The following SLC9C1 variants were observed in gnomAD, a reference collection of about 807,000 sequenced individuals.
The protein encoded by SLC9C1 is sodium/hydrogen exchanger 10.
A neutral mutation model predicts 140.9 loss-of-function variants in SLC9C1; 97 were observed. The ratio of observed to expected loss-of-function variants is 0.69; its 90% CI spans 0.58 to 0.82. The LOEUF is 0.82. SLC9C1 is among the 40% of genes least tolerant of loss of function. The pLI, the probability that SLC9C1 is intolerant of heterozygous loss-of-function variation, is 0.00. For synonymous variants in SLC9C1, 440 were observed against 442.6 expected, an observed-to-expected ratio of 0.99 and a Z score of 0.07; for missense variants, 1,340 against 1,389.3, an observed-to-expected ratio of 0.96 and a Z score of 0.56.
chr3:112,233,079 T>A (rs1162123741), intron 12 of SLC9C1, among the ~76,000 whole-genome samples: 14 of 148,548 alleles, frequency 9.4e-5, no homozygotes, highest in Admixed American at 6.1e-4. Flanking sequence ...TATATTTTTT[T>A]TTTTTTTAAG....
chr3:112,217,421 A>G, intron 15 of SLC9C1, 21 bp downstream of exon 15: 2 of 1,562,850 alleles, frequency 1.3e-6, no homozygotes, highest in African/African-American at 1.4e-5. Context: ...AGCATTTCTT[A>G]TAAGGTTCAA....
chr3:112,208,604 C>T (rs1180399508), intron 15 of SLC9C1, among the ~76,000 whole-genome samples: 4 of 152,212 alleles, frequency 2.6e-5, no homozygotes, highest in Middle Eastern at 6.8e-3. Context: ...CTTTCTCTCC[C>T]TCCTTAAATC....
At chr3:112,218,390 T>C (rs2078445699) in intron 14 of SLC9C1, among the ~76,000 whole-genome samples, 2 of 152,090 alleles carry the variant, frequency 1.3e-5, no homozygotes, top group African/African-American at 4.8e-5. Context: ...AGTTCAAAGG[T>C]AAACCTTGCC....
intron 28 of SLC9C1, 119 bp from the exon 29 acceptor site, chr3:112,141,400 G>A (rs763446516): frequency 1.7e-5 from 17 of 996,690 alleles, no homozygotes; most frequent in Admixed American, 1.2e-4. Context: ...AGACACACTT[G>A]GTCATTTTTG....
chr3:112,239,942 C>T lies in SLC9C1; in HGVS notation c.1344G>A (p.Glu448=), dbSNP rs777741320. Reference sequence around the variant, plus strand: ...GGGCAGAGGCTGCAGACTTGGTTAGCTCTTGAAAGTGTTGAAATGTGCAAC... The same window carrying T: ...GGGCAGAGGCTGCAGACTTGGTTAGTTCTTGAAAGTGTTGAAATGTGCAAC... The part of the protein sequence containing the change: ...SVCCTFQHFQ[E]LTKSAASALK... The change falls in exon 12 of 29, where the codon GAG becomes GAA. Residue 448 remains glutamate, a synonymous_variant. Transcript: ENST00000305815. 2.5e-6 allele frequency: 4 copies of T among 1,613,892 alleles called. No individual in the cohort carries two copies. The East Asian group carries it at 6.7e-5, about 27-fold the overall frequency.
intron 12 of SLC9C1, among the ~76,000 whole-genome samples, chr3:112,231,886 G>C (rs949399382): frequency 6.6e-6 from 1 of 152,116 alleles, no homozygotes; most frequent in Non-Finnish European, 1.5e-5. Flanking sequence ...AATTGGAGGA[G>C]TGGGCGTCAA....
intron 7 of SLC9C1, among the ~76,000 whole-genome samples, chr3:112,268,270 G>A (rs2079977935): frequency 6.6e-6 from 1 of 151,878 alleles, no homozygotes; most frequent in East Asian, 1.9e-4. Flanking sequence ...TGTAACCCTC[G>A]GTATATTATA....
At chr3:112,231,725 C>T (rs964407380) in intron 12 of SLC9C1, among the ~76,000 whole-genome samples, 3 of 152,106 alleles carry the variant, frequency 2.0e-5, no homozygotes, top group East Asian at 1.9e-4. Context: ...TACTTTTACA[C>T]GGCATTATTA....
intron 20 of SLC9C1, among the ~76,000 whole-genome samples, chr3:112,187,217 A>T (rs1283144712): frequency 6.6e-6 from 1 of 152,210 alleles, no homozygotes; most frequent in Admixed American, 6.5e-5. Flanking sequence ...AAATAGGGAC[A>T]ACAATAGTAT....
chr3:112,192,496 C>G (rs2077684118), intron 20 of SLC9C1, among the ~76,000 whole-genome samples: 1 of 152,128 alleles, frequency 6.6e-6, no homozygotes, highest in South Asian at 2.1e-4. Flanking sequence ...ATTCATTCAT[C>G]TATTAATGGA....
At chr3:112,283,708 T>C (rs987567844) in intron 2 of SLC9C1, among the ~76,000 whole-genome samples, 1 of 152,082 alleles carries the variant, frequency 6.6e-6, no homozygotes, top group Non-Finnish European at 1.5e-5. Flanking sequence ...ACAGTTCCAA[T>C]ATGCATAAAT....
At chr3:112,274,404 G>A (rs773903146) in intron 6 of SLC9C1, among the ~76,000 whole-genome samples, 2 of 152,048 alleles carry the variant, frequency 1.3e-5, no homozygotes, top group African/African-American at 2.4e-5. Flanking sequence ...ACAGCTCATG[G>A]GCACTTTGCA....
Position 112,185,403 on chromosome 3 carries a change from G to A in SLC9C1, c.2524-3145C>T. 1.6e-5 allele frequency: 16 copies of A among 1,025,850 alleles called. No homozygotes were observed. The South Asian group carries it at 2.5e-4, about 16-fold the overall frequency. 63.5% of individuals were successfully genotyped at this position (1,025,850 alleles called of 1,614,324 possible). A position where few individuals can be genotyped will look rare whatever the true frequency, so the allele number is the denominator to read the frequency against. Reference sequence around the variant, plus strand: ...GGCCTGCGATGGGGATGGGGAAGCTGAAAGAGGCACTCAGGGGTGGGGGGG... The same window carrying A: ...GGCCTGCGATGGGGATGGGGAAGCTAAAAGAGGCACTCAGGGGTGGGGGGG... On this transcript the variant is annotated intron_variant, in intron 20 of 28. Transcript: ENST00000305815.
chr3:112,166,982 T>C (rs1432254395), intron 26 of SLC9C1, among the ~76,000 whole-genome samples: 3 of 152,286 alleles, frequency 2.0e-5, no homozygotes, highest in East Asian at 1.9e-4. Flanking sequence ...CTCATTAACC[T>C]TTTTTCATAT....
intron 26 of SLC9C1, among the ~76,000 whole-genome samples, chr3:112,166,004 C>A (rs1234939557): frequency 6.6e-6 from 1 of 152,160 alleles, no homozygotes; most frequent in African/African-American, 2.4e-5. Flanking sequence ...TGCTGCCTTG[C>A]AGTTTGATCT....
chr3:112,148,287 T>C (rs1223840678), intron 28 of SLC9C1, among the ~76,000 whole-genome samples: 1 of 152,184 alleles, frequency 6.6e-6, no homozygotes, highest in Non-Finnish European at 1.5e-5. Context: ...TTAGGGACCA[T>C]TGCTGGAGAG....
chr3:112,215,401 A>G (rs1428256944), intron 15 of SLC9C1, among the ~76,000 whole-genome samples: 1 of 152,190 alleles, frequency 6.6e-6, no homozygotes, highest in African/African-American at 2.4e-5. Context: ...GTCAATTAGG[A>G]AAAGAGGAAG....
chr3:112,260,296 T>G (rs79294090), intron 10 of SLC9C1, among the ~76,000 whole-genome samples: 1 of 26,368 alleles, frequency 3.8e-5, no homozygotes, highest in Non-Finnish European at 1.0e-4. Context: ...TTTTCTTTAG[T>G]TTTTTTATGG....
chr3:112,151,551 C>A, intron 28 of SLC9C1: 1 of 526,860 alleles, frequency 1.9e-6, no homozygotes, highest in South Asian at 1.4e-5. Context: ...TCCAACAGTA[C>A]ATGGTAGCCT....
Sources: allele counts gnomAD v4.1 joint callset (sites outside exome capture counted in the v4.1 genomes callset), GRCh38; gene constraint gnomAD v4.1.1; transcripts MANE v1.5; gene names NCBI Gene and HGNC (gene_info 2026-07-23, HGNC 2026-07-21).